Variants in INPP5K observed in about 807,000 individuals in gnomAD.
The protein encoded by INPP5K is inositol polyphosphate 5-phosphatase K.
Under a neutral mutation model 53.5 loss-of-function variants are expected in INPP5K, and 35 were observed. The ratio of observed to expected loss-of-function variants is 0.65; its 90% CI spans 0.50 to 0.87. The LOEUF (loss-of-function observed/expected upper bound fraction) is 0.87, where lower values mean the gene tolerates loss of function less well. Among genes scored for constraint, INPP5K ranks in the 40% least tolerant of loss-of-function variants. The pLI is 0.00. For synonymous variants in INPP5K, 253 were observed against 232.8 expected, an observed-to-expected ratio of 1.09 and a Z score of -0.79; for missense variants, 550 against 586.2, an observed-to-expected ratio of 0.94 and a Z score of 0.64.
At chr17:1,507,349 T>G (rs1183634583) in intron 6 of INPP5K, 7 of 495,504 alleles carry the variant, frequency 1.4e-5, no homozygotes, top group Non-Finnish European at 2.2e-5. Flanking sequence ...GGGACCCAAC[T>G]TGGAATTCCA....
chr17:1,509,902 C>A, intron 3 of INPP5K, 103 bp from the exon 4 acceptor site: 1 of 687,202 alleles, frequency 1.5e-6, no homozygotes, highest in South Asian at 1.8e-5. Flanking sequence ...CAGCTACATG[C>A]AGTGTCCTGC....
chr17:1,515,562 G>C, intron 1 of INPP5K: 2 of 985,718 alleles, frequency 2.0e-6, no homozygotes, highest in African/African-American at 3.5e-5. Flanking sequence ...CACACGATGA[G>C]GAGTACCTGC....
chr17:1,514,887 C>T (rs2075397200), intron 1 of INPP5K, among the ~76,000 whole-genome samples: 1 of 151,664 alleles, frequency 6.6e-6, no homozygotes, highest in Non-Finnish European at 1.5e-5. Context: ...GCCAATTTTG[C>T]CAAGCACTTC....
At chr17:1,500,664 A>C (rs1212358451) in intron 7 of INPP5K, among the ~76,000 whole-genome samples, 2 of 151,728 alleles carry the variant, frequency 1.3e-5, no homozygotes, top group Non-Finnish European at 2.9e-5. Flanking sequence ...GCGCCCGGCC[A>C]CTGAAACATT....
chr17:1,514,023 A>G, intron 1 of INPP5K, 44 bp from the exon 2 acceptor site: 1 of 1,420,902 alleles, frequency 7.0e-7, no homozygotes, highest in Admixed American at 1.8e-5. Flanking sequence ...AAGGAGGATA[A>G]GATAGTGCAC....
chr17:1,498,196 A>G (rs1407457417), intron 7 of INPP5K, 74 bp from the exon 8 acceptor site: 2 of 1,330,122 alleles, frequency 1.5e-6, no homozygotes, highest in Admixed American at 2.1e-5. Context: ...AAATGAGCCC[A>G]CATGAGCTTG....
chr17:1,503,185 C>CT lies in INPP5K; in HGVS notation c.776+3794dup, dbSNP rs748921781. On this transcript the variant is annotated intron_variant, in intron 7 of 11. Transcript: ENST00000421807. ...AGAGGTGTGACCCATCACGCCTGGCCTTTTTTTTTTTTTTTTGAGACGAAG... is the reference window on the plus strand; with the variant it reads ...AGAGGTGTGACCCATCACGCCTGGCCTTTTTTTTTTTTTTTTTGAGACGAAG... Among the ~76,000 whole-genome samples the CT allele has an allele frequency of 2.2e-3, 300 of 135,600 alleles. 1 individual carries two copies. Among genetic ancestry groups the CT allele is most frequent in the East Asian group, 7.3e-3 (34 of 4,642 alleles). The allele number at this position is 135,600 out of a possible 152,430, so 89.0% of individuals were successfully genotyped here. A position where few individuals can be genotyped will look rare whatever the true frequency, so the allele number is the denominator to read the frequency against.
intron 11 of INPP5K, 63 bp from the exon 12 acceptor site, chr17:1,495,942 C>T (rs2074821367): frequency 5.4e-6 from 8 of 1,471,484 alleles, no homozygotes; most frequent in Non-Finnish European, 7.6e-6. Flanking sequence ...TTCCATCACC[C>T]CCGTTCCTGC....
At chr17:1,496,012 A>T in intron 11 of INPP5K, 48 bp downstream of exon 11, 1 of 1,455,744 alleles carries the variant, frequency 6.9e-7, no homozygotes, top group South Asian at 1.1e-5. Context: ...GGAGCCAGTG[A>T]TGAGCTCAAG....
chr17:1,501,881 A>ACC (rs1476664175), intron 7 of INPP5K, among the ~76,000 whole-genome samples: 4 of 151,324 alleles, frequency 2.6e-5, no homozygotes, highest in African/African-American at 9.7e-5. Flanking sequence ...ACACACACAC[A>ACC]CAAATTTGCC....
At position 1,509,284 on chromosome 17, in the gene INPP5K, G is replaced by C; in HGVS notation, c.448C>G (p.Leu150Val). ...GYYVSIINCH[L>V]PPHISNNYQR... ...TAATTGTTGGAAATGTGGGGAGGCA[G>C]GTGGCAGTTGATGATGCTGACATAG... Residue 150 changes from leucine to valine, a missense_variant, in exon 5 of 12, where the codon CTG becomes GTG. Transcript: ENST00000421807. 1 of 1,614,150 alleles carries C rather than the reference G, an allele frequency of 6.2e-7. No individual in the cohort carries two copies. The highest frequency in any genetic ancestry group is 8.5e-7 in the Non-Finnish European group (1 of 1,180,006).
intron 7 of INPP5K, among the ~76,000 whole-genome samples, chr17:1,504,320 G>C (rs1302731252): frequency 6.6e-6 from 1 of 152,238 alleles, no homozygotes; most frequent in African/African-American, 2.4e-5. Flanking sequence ...GTGAGATGAG[G>C]AGGGGCCGGG....
Position 1,513,994 on chromosome 17 carries a change from C to T in INPP5K, c.45-15G>A. 6.3e-7 allele frequency: 1 copy of T among 1,576,392 alleles called. No homozygotes were observed. Among genetic ancestry groups the T allele is most frequent in the Non-Finnish European group, 8.7e-7 (1 of 1,149,590 alleles). On this transcript the variant is annotated splice_polypyrimidine_tract_variant and intron_variant, in intron 1 of 11. Coordinates refer to ENST00000421807, the MANE Select transcript of INPP5K (RefSeq NM_016532.4). ...CGACGTGTATGCTGCGGAAGGGATG[C>T]AGAGGGAAGTCATGGAGGAAGGAGG...
intron 3 of INPP5K, among the ~76,000 whole-genome samples, chr17:1,512,066 A>G (rs2075322457): frequency 6.6e-6 from 1 of 152,176 alleles, no homozygotes; most frequent in Admixed American, 6.5e-5. Flanking sequence ...ATAGCTGGCA[A>G]ATGCACGGAG....
rs747629468 is a variant in INPP5K, at chr17:1,513,899, T to A, written c.125A>T (p.Asn42Ile). The A allele has an allele frequency of 6.2e-7, 1 of 1,613,272 alleles. No individual in the cohort carries two copies. Among genetic ancestry groups the A allele is most frequent in the Non-Finnish European group, 8.5e-7 (1 of 1,179,452 alleles). ...AATAACATATATGTCAAGATTGAGGTTCCGGTTGTTCAGCTGAAGCAGGTC... is the reference window on the plus strand; with the variant it reads ...AATAACATATATGTCAAGATTGAGGATCCGGTTGTTCAGCTGAAGCAGGTC... ...LSDLLQLNNR[N>I]LNLDIYVIGL... Residue 42 changes from asparagine to isoleucine, a missense_variant, in exon 2 of 12, where the codon AAC (asparagine) becomes ATC (isoleucine). Transcript: ENST00000421807.
At chr17:1,507,799 C>T in intron 6 of INPP5K, 1 of 205,676 alleles carries the variant, frequency 4.9e-6, no homozygotes, top group East Asian at 1.3e-4. Flanking sequence ...CCCACCTCGG[C>T]CTCCCAGAGT....
At chr17:1,514,190 G>A (rs941165347) in intron 1 of INPP5K, among the ~76,000 whole-genome samples, 11 of 152,082 alleles carry the variant, frequency 7.2e-5, no homozygotes, top group African/African-American at 2.7e-4. Flanking sequence ...CAGCATGGTG[G>A]CAGGCGCCTG....
At chr17:1,515,236 G>C (rs567460075) in intron 1 of INPP5K, among the ~76,000 whole-genome samples, 1 of 152,094 alleles carries the variant, frequency 6.6e-6, no homozygotes. Context: ...CAGGTTTCTC[G>C]ACATCTCTCT....
At position 1,503,405 on chromosome 17, in the gene INPP5K, C is replaced by T. The variant is rs558997924; in HGVS notation, c.776+3575G>A. Among the ~76,000 whole-genome samples the T allele has an allele frequency of 2.1e-3, 318 of 152,070 alleles. 1 individual carries two copies. Among genetic ancestry groups the T allele is most frequent in the African/African-American group, 7.4e-3 (306 of 41,480 alleles). On this transcript the variant is annotated intron_variant, in intron 7 of 11. Coordinates refer to ENST00000421807, the MANE Select transcript of INPP5K (RefSeq NM_016532.4). ...TTCACCGTGTTCACCAGGATGGTCT[C>T]GATCTCCTGACCTCGTGATCCACCC...
Sources: allele counts gnomAD v4.1 joint callset (sites outside exome capture counted in the v4.1 genomes callset), GRCh38; gene constraint gnomAD v4.1.1; transcripts MANE v1.5; gene names NCBI Gene and HGNC (gene_info 2026-07-23, HGNC 2026-07-21).